AKT3: variants seen among roughly 807,000 people sequenced by gnomAD.
AKT3 encodes the protein AKT serine/threonine kinase 3.
In AKT3, 15 loss-of-function variants were observed where a neutral mutation model predicts 65.3. That is an observed-to-expected ratio of 0.23 (90% CI 0.15 to 0.35). AKT3 has a LOEUF of 0.35. Ranked by LOEUF, AKT3 falls within the 10% of genes least tolerant of loss-of-function variation. The pLI is 1.00. For missense variants in AKT3, 243 were observed against 576.5 expected, an observed-to-expected ratio of 0.42 and a Z score of 5.92; for synonymous variants, 206 against 183.8, an observed-to-expected ratio of 1.12 and a Z score of -0.98.
intron 2 of AKT3, among the ~76,000 whole-genome samples, chr1:243,755,117 G>A (rs1689050084): frequency 6.6e-6 from 1 of 152,088 alleles, no homozygotes; most frequent in African/African-American, 2.4e-5. Context: ...CCCCCAGGCT[G>A]GAGTGCAGTG....
chr1:243,722,601 TAAG>T (rs772295722), intron 2 of AKT3, among the ~76,000 whole-genome samples: 12 of 152,148 alleles, frequency 7.9e-5, no homozygotes, highest in African/African-American at 1.9e-4. Context: ...TCCTTCAGAC[TAAG>T]AAGAACAAAT....
chr1:243,837,676 T>C lies in AKT3; in HGVS notation c.46+5449A>G, dbSNP rs965560031. Among the ~76,000 whole-genome samples the C allele has an allele frequency of 9.9e-5, 15 of 152,118 alleles. No individual in the cohort carries two copies. In the East Asian group the frequency reaches 1.2e-3, roughly 12 times the overall value. The stretch of plus-strand genomic sequence containing the variant: ...ATTTCAATAGAAGCAGTAAAATCTT[T>C]AGAAAAAACTGACCACCACTCATGA... On this transcript the variant is annotated intron_variant, in intron 2 of 13. Transcript: ENST00000673466.
chr1:243,533,806 T>A (rs1448446997), intron 12 of AKT3, among the ~76,000 whole-genome samples: 1 of 151,752 alleles, frequency 6.6e-6, no homozygotes, highest in Non-Finnish European at 1.5e-5. Context: ...CTGGCTAATA[T>A]GGTGAAACCC....
At chr1:243,673,566 A>T (rs1295610585) in intron 3 of AKT3, among the ~76,000 whole-genome samples, 1 of 151,692 alleles carries the variant, frequency 6.6e-6, no homozygotes, top group African/African-American at 2.4e-5. Context: ...AGGATATTTA[A>T]CCATTCATTA....
At chr1:243,807,730 GCCT>G (rs1213644770) in intron 2 of AKT3, among the ~76,000 whole-genome samples, 1 of 152,188 alleles carries the variant, frequency 6.6e-6, no homozygotes, top group Admixed American at 6.5e-5. Flanking sequence ...CAGACAGACT[GCCT>G]CCTCAAGTGG....
At chr1:243,792,999 T>C (rs557518609) in intron 2 of AKT3, among the ~76,000 whole-genome samples, 17 of 152,182 alleles carry the variant, frequency 1.1e-4, no homozygotes, top group Non-Finnish European at 1.9e-4. Flanking sequence ...AACAAACTTC[T>C]AGAAATCATC....
At chr1:243,621,010 ACTCAG>A (rs946527885) in intron 6 of AKT3, among the ~76,000 whole-genome samples, 1 of 151,876 alleles carries the variant, frequency 6.6e-6, no homozygotes, top group Non-Finnish European at 1.5e-5. Flanking sequence ...CTCCCTAAAA[ACTCAG>A]CTGAATCTTC....
At chr1:243,812,686 T>A (rs1440318558) in intron 2 of AKT3, among the ~76,000 whole-genome samples, 2 of 152,246 alleles carry the variant, frequency 1.3e-5, no homozygotes, top group African/African-American at 4.8e-5. Context: ...ACCCAAAGGA[T>A]TATAAATCAT....
chr1:243,514,019 T>A (rs979796022), intron 12 of AKT3, among the ~76,000 whole-genome samples: 4 of 152,324 alleles, frequency 2.6e-5, no homozygotes, highest in South Asian at 2.1e-4. Context: ...TTGTTTTTTT[T>A]ATTTTTTTTA....
At chr1:243,654,941 T>C (rs1681647736) in intron 4 of AKT3, among the ~76,000 whole-genome samples, 1 of 152,152 alleles carries the variant, frequency 6.6e-6, no homozygotes, top group Non-Finnish European at 1.5e-5. Flanking sequence ...TTGAGATTTA[T>C]AGGACTTTTG....
chr1:243,536,184 C>G (rs1430657915), intron 12 of AKT3, among the ~76,000 whole-genome samples: 1 of 152,062 alleles, frequency 6.6e-6, no homozygotes, highest in African/African-American at 2.4e-5. Flanking sequence ...TGTCTATTTA[C>G]TTTGTTGATG....
At chr1:243,798,409 T>TTG (rs1180677502) in intron 2 of AKT3, among the ~76,000 whole-genome samples, 1 of 133,668 alleles carries the variant, frequency 7.5e-6, no homozygotes, top group Non-Finnish European at 1.6e-5. Flanking sequence ...TTTTTTTTTT[T>TTG]TTTTTTTTGT....
intron 2 of AKT3, among the ~76,000 whole-genome samples, chr1:243,775,508 C>T (rs957229003): frequency 3.9e-5 from 6 of 152,128 alleles, no homozygotes; most frequent in Non-Finnish European, 7.4e-5. Flanking sequence ...AAGTCACTCA[C>T]CCACCGGCCA....
intron 4 of AKT3, among the ~76,000 whole-genome samples, chr1:243,648,180 C>T (rs1461489653): frequency 6.6e-6 from 1 of 151,404 alleles, no homozygotes; most frequent in African/African-American, 2.4e-5. Flanking sequence ...ATCACTTGAA[C>T]CCAGGAAATG....
At chr1:243,683,387 A>T (rs1321738086) in intron 3 of AKT3, among the ~76,000 whole-genome samples, 4 of 152,182 alleles carry the variant, frequency 2.6e-5, no homozygotes, top group Non-Finnish European at 5.9e-5. Context: ...CTTCCTAAAA[A>T]ATATATTTAA....
chr1:243,614,546 T>C (rs995553171), intron 7 of AKT3, among the ~76,000 whole-genome samples: 17 of 152,180 alleles, frequency 1.1e-4, no homozygotes, highest in African/African-American at 3.6e-4. Context: ...AGTTTATACT[T>C]TGTCTAGTGA....
At position 243,504,270 on chromosome 1, in the gene AKT3, A is replaced by G. The variant is rs1376104293; in HGVS notation, c.*979T>C. 9.6e-6 allele frequency: 2 copies of G among 209,150 alleles called. No individual in the cohort carries two copies. Among genetic ancestry groups the G allele is most frequent in the Non-Finnish European group, 1.9e-5 (2 of 102,648 alleles). The allele number at this position is 209,150 out of a possible 1,614,324, so 13.0% of individuals were successfully genotyped here. A position where few individuals can be genotyped will look rare whatever the true frequency, so the allele number is the denominator to read the frequency against. ...TAAACAAAATCATAAAAGGACATTC[A>G]AAGTTTCAACATCTGAGAAAAAGCT... is the stretch of plus-strand genomic sequence containing the variant. On this transcript the variant is annotated 3_prime_UTR_variant, in exon 14 of 14. Transcript: ENST00000673466.
intron 2 of AKT3, among the ~76,000 whole-genome samples, chr1:243,840,339 A>T (rs1447362038): frequency 2.0e-5 from 3 of 149,366 alleles, no homozygotes; most frequent in South Asian, 2.2e-4. Context: ...AACATCACAC[A>T]CCAGGGCCTG....
chr1:243,657,244 G>A (rs1477814167), intron 4 of AKT3, among the ~76,000 whole-genome samples: 2 of 152,096 alleles, frequency 1.3e-5, no homozygotes, highest in East Asian at 3.8e-4. Flanking sequence ...CGTGAAGAGG[G>A]CCCTCTCTAG....
Sources: gnomAD v4.1 joint callset for allele counts (sites outside exome capture counted in the v4.1 genomes callset) on GRCh38, gnomAD v4.1.1 for gene constraint, MANE v1.5 for transcripts, NCBI Gene and HGNC (gene_info 2026-07-23, HGNC 2026-07-21) for gene names.